Variants in SIDT1 observed in about 807,000 individuals in gnomAD.
SIDT1 encodes SID1 transmembrane family member 1, also known as SID1 transmembrane family, member 1.
In SIDT1, 101 loss-of-function variants were observed where a neutral mutation model predicts 107.5. The ratio of observed to expected loss-of-function variants is 0.94; its 90% confidence interval spans 0.80 to 1.11. The LOEUF is 1.11. Ranked by LOEUF, SIDT1 falls within the 50% of genes least tolerant of loss-of-function variation. The pLI, the probability that SIDT1 is intolerant of heterozygous loss-of-function variation, is 0.00. For synonymous variants in SIDT1, 395 were observed against 398.2 expected (o/e 0.99, Z 0.10); for missense variants, 1,076 against 1,058.2 (o/e 1.02, Z -0.23).
intron 3 of SIDT1, among the ~76,000 whole-genome samples, chr3:113,568,672 C>T (rs1421570837): frequency 1.3e-5 from 2 of 151,600 alleles, no homozygotes; most frequent in Non-Finnish European, 2.9e-5. Flanking sequence ...GATTCCATTA[C>T]AACTACCAAA....
At chr3:113,543,479 T>A (rs61469498) in intron 1 of SIDT1, among the ~76,000 whole-genome samples, 6,409 of 152,156 alleles carry the variant, frequency 0.042, 257 homozygotes, top group African/African-American at 0.11. Flanking sequence ...ACCCACACAA[T>A]TGCCACTACT....
intron 19 of SIDT1, 82 bp downstream of exon 19, chr3:113,612,276 G>T: frequency 1.0e-6 from 1 of 995,592 alleles, no homozygotes; most frequent in Non-Finnish European, 1.6e-6. Context: ...TATGCTGAAT[G>T]AAAGTGTCAC....
chr3:113,550,424 C>A (rs2107651500), intron 1 of SIDT1, among the ~76,000 whole-genome samples: 1 of 152,298 alleles, frequency 6.6e-6, no homozygotes, highest in East Asian at 1.9e-4. Context: ...CAAGGTTTTT[C>A]TATAGAGTTC....
At chr3:113,627,042 G>A (rs754535344) in intron 24 of SIDT1, among the ~76,000 whole-genome samples, 3 of 152,200 alleles carry the variant, frequency 2.0e-5, no homozygotes, top group African/African-American at 4.8e-5. Flanking sequence ...ACCTTCATGA[G>A]AGAGACAGAG....
intron 1 of SIDT1, among the ~76,000 whole-genome samples, chr3:113,558,768 A>G (rs1360753403): frequency 6.6e-6 from 1 of 152,202 alleles, no homozygotes; most frequent in East Asian, 1.9e-4. Context: ...TTCTCCCAGT[A>G]TCGATGACGC....
intron 19 of SIDT1, chr3:113,615,012 T>C: frequency 6.5e-7 from 1 of 1,533,462 alleles, no homozygotes. Flanking sequence ...GCTACTTTCT[T>C]ACACGTCTCT....
chr3:113,576,973 T>G lies in SIDT1; in HGVS notation c.561+6T>G. 6.2e-7 allele frequency: 1 copy of G among 1,614,012 alleles called. No individual in the cohort carries two copies. The highest frequency in any genetic ancestry group is 8.5e-7 in the Non-Finnish European group (1 of 1,179,846). On this transcript the variant is annotated splice_donor_region_variant and intron_variant, in intron 4 of 24. Coordinates refer to ENST00000264852, the MANE Select transcript of SIDT1 (RefSeq NM_017699.3). The stretch of plus-strand genomic sequence containing the variant: ...CCAGCCCCTCTCAACCTCAGGTAAG[T>G]GAAGGGGTTCCAAGAGTTATCAACA...
In SIDT1 at chr3:113,567,600, C is replaced by A. The variant is rs1942041110; in HGVS notation, c.405C>A (p.Thr135=). The A allele has an allele frequency of 1.2e-6, 2 of 1,613,970 alleles. No individual in the cohort carries two copies. ...VSRTLCPSEA[T]NETGPLQQLI... is the part of the protein sequence containing the mutation. ...GCACCTTATGTCCCTCAGAAGCAAC[C>A]AATGAGACGGGACCCTTGCAGCAAC... The change falls in exon 3 of 25, where the codon ACC becomes ACA. Residue 135 remains threonine (T), a synonymous_variant. Coordinates refer to ENST00000264852, the MANE Select transcript of SIDT1 (RefSeq NM_017699.3).
intron 2 of SIDT1, among the ~76,000 whole-genome samples, chr3:113,567,000 G>C (rs775858191): frequency 9.9e-5 from 15 of 152,112 alleles, no homozygotes; most frequent in Admixed American, 9.8e-4. Context: ...TGCCCTCCTC[G>C]AGTTTCTATT....
chr3:113,635,948 A>G, the SIDT1 span, among the ~76,000 whole-genome samples: 4 of 152,122 alleles, frequency 2.6e-5, no homozygotes, highest in African/African-American at 9.7e-5. Context: ...CTGGAAAATC[A>G]TATTTCCTCA....
Position 113,584,691 on chromosome 3 carries a change from A to G in SIDT1, c.836-7A>G. 2 of 1,580,258 alleles carry G rather than the reference A, an allele frequency of 1.3e-6. No individual in the cohort carries two copies. Among genetic ancestry groups the G allele is most frequent in the South Asian group, 1.2e-5 (1 of 86,234 alleles). ...GCTTTGTTCTTTTTTTATTTTTTTT[A>G]AACCAGAAAAGGAAAACCAGACCTG... On this transcript the variant is annotated splice_polypyrimidine_tract_variant and splice_region_variant and intron_variant, in intron 7 of 24. Transcript: ENST00000264852.
rs140834549 is a variant in SIDT1 at position 113,616,117 on chromosome 3, C to T, written c.1984C>T (p.Arg662Trp). ...ATCAGCAGATTTGGGAATTTTCCGG[C>T]GGGCTGCCATGGTGTTCTACACAGA... is the stretch of plus-strand genomic sequence containing the variant. Reference protein sequence around the residue: ...RFKIDLGIFRRAAMVFYTDCI... With the variant: ...RFKIDLGIFRWAAMVFYTDCI... The change falls in exon 20 of 25, where the codon CGG (arginine) becomes TGG (tryptophan). Residue 662 changes from arginine to tryptophan, a missense_variant. By Grantham distance (101) the Arg-to-Trp change is moderately radical. Coordinates refer to ENST00000264852, the MANE Select transcript of SIDT1 (RefSeq NM_017699.3). The T allele has an allele frequency of 9.9e-6, 16 of 1,613,504 alleles. No homozygotes were observed. The highest frequency in any genetic ancestry group is 6.7e-5 in the African/African-American group (5 of 74,874).
the SIDT1 span, among the ~76,000 whole-genome samples, chr3:113,636,057 C>T: frequency 6.6e-6 from 1 of 152,066 alleles, no homozygotes; most frequent in African/African-American, 2.4e-5. Context: ...GACATGCTAA[C>T]GTACTCCTGT....
intron 1 of SIDT1, among the ~76,000 whole-genome samples, chr3:113,555,862 T>G (rs1446711853): frequency 6.6e-6 from 1 of 151,642 alleles, no homozygotes; most frequent in Non-Finnish European, 1.5e-5. Context: ...TTTTTTTTTT[T>G]TTTTTGCCCG....
chr3:113,576,456 T>C (rs989034717), intron 3 of SIDT1, among the ~76,000 whole-genome samples: 2 of 152,116 alleles, frequency 1.3e-5, no homozygotes, highest in Non-Finnish European at 2.9e-5. Flanking sequence ...CTATTCACTG[T>C]GTTTGGTAAA....
chr3:113,565,997 G>A (rs914175949), intron 1 of SIDT1, among the ~76,000 whole-genome samples: 19 of 152,152 alleles, frequency 1.2e-4, no homozygotes, highest in African/African-American at 4.6e-4. Context: ...AAGAAGAAAA[G>A]CACATCCGTA....
chr3:113,591,757 G>T (rs1049326646), intron 9 of SIDT1, among the ~76,000 whole-genome samples: 2 of 152,110 alleles, frequency 1.3e-5, no homozygotes, highest in African/African-American at 4.8e-5. Context: ...GTTAAACATG[G>T]AGTTATCTCA....
intron 9 of SIDT1, among the ~76,000 whole-genome samples, chr3:113,592,020 A>C (rs1005394551): frequency 6.6e-6 from 1 of 152,248 alleles, no homozygotes; most frequent in South Asian, 2.1e-4. Flanking sequence ...ACGTTACACT[A>C]AGTGAAAGAA....
intron 1 of SIDT1, among the ~76,000 whole-genome samples, chr3:113,535,603 T>C (rs1041926400): frequency 3.9e-5 from 6 of 152,254 alleles, no homozygotes; most frequent in Non-Finnish European, 5.9e-5. Context: ...AAAAGGTTGA[T>C]GACCCAAGCA....
Sources: allele counts gnomAD v4.1 joint callset (sites outside exome capture counted in the v4.1 genomes callset), GRCh38; gene constraint gnomAD v4.1.1; transcripts MANE v1.5; gene names NCBI Gene and HGNC (gene_info 2026-07-23, HGNC 2026-07-21).